Variants in SLC25A21 observed in about 807,000 individuals in gnomAD.
SLC25A21 encodes mitochondrial 2-oxodicarboxylate carrier.
A neutral mutation model predicts 43.8 loss-of-function variants in SLC25A21; 47 were observed. The ratio of observed to expected loss-of-function variants is 1.07; its 90% CI spans 0.85 to 1.37. SLC25A21 has a LOEUF of 1.37. Ranked by LOEUF, SLC25A21 falls within the 40% of genes most tolerant of loss-of-function variation. The probability of loss-of-function intolerance (pLI) is 0.00; values close to 1 mark genes in which losing one functional copy is unlikely to be tolerated. For synonymous variants in SLC25A21, 131 were observed against 121.3 expected (o/e 1.08, Z -0.52); for missense variants, 352 against 350.2 (o/e 1.00, Z -0.04).
chr14:36,898,206 T>G (rs1594677787), intron 1 of SLC25A21, among the ~76,000 whole-genome samples: 2 of 152,182 alleles, frequency 1.3e-5, no homozygotes, highest in South Asian at 4.1e-4. Context: ...CCGGCCTCTT[T>G]GTTTACCCAC....
intron 3 of SLC25A21, among the ~76,000 whole-genome samples, chr14:36,804,297 T>C (rs930855929): frequency 1.3e-5 from 2 of 152,134 alleles, no homozygotes; most frequent in African/African-American, 4.8e-5. Context: ...GAGGGAATGG[T>C]GTAAATGTGA....
At chr14:36,741,140 C>T (rs1390976827) in intron 3 of SLC25A21, among the ~76,000 whole-genome samples, 1 of 152,100 alleles carries the variant, frequency 6.6e-6, no homozygotes, top group Non-Finnish European at 1.5e-5. Context: ...GTTGGTTTTG[C>T]TGGTATTTTT....
intron 2 of SLC25A21, among the ~76,000 whole-genome samples, chr14:36,839,463 T>C (rs1232964220): frequency 6.6e-6 from 1 of 152,256 alleles, no homozygotes; most frequent in African/African-American, 2.4e-5. Flanking sequence ...AAATTAACTT[T>C]CCTATAGTTC....
chr14:36,803,248 G>T (rs1181919334), intron 3 of SLC25A21, among the ~76,000 whole-genome samples: 1 of 152,110 alleles, frequency 6.6e-6, no homozygotes, highest in African/African-American at 2.4e-5. Flanking sequence ...GGGGTAAACA[G>T]GTAGTTAAGA....
intron 3 of SLC25A21, among the ~76,000 whole-genome samples, chr14:36,761,087 C>T (rs1399201931): frequency 1.3e-5 from 2 of 152,200 alleles, no homozygotes. Context: ...TATTCCTCTT[C>T]CCTTTCATCT....
intron 2 of SLC25A21, among the ~76,000 whole-genome samples, chr14:36,852,402 C>T (rs777194456): frequency 6.6e-6 from 1 of 152,164 alleles, no homozygotes; most frequent in Non-Finnish European, 1.5e-5. Context: ...TTAAAGTGTC[C>T]TGTGCCCTGT....
At chr14:36,810,527 A>G (rs1445318457) in intron 3 of SLC25A21, among the ~76,000 whole-genome samples, 1 of 152,212 alleles carries the variant, frequency 6.6e-6, no homozygotes, top group African/African-American at 2.4e-5. Flanking sequence ...TAGGTACCAC[A>G]TCACCAGAGT....
chr14:37,152,116 C>CA (rs1368547976), intron 1 of SLC25A21, among the ~76,000 whole-genome samples: 3 of 152,084 alleles, frequency 2.0e-5, no homozygotes, highest in Non-Finnish European at 4.4e-5. Context: ...TGTTAGCACT[C>CA]AAAAGATAAG....
chr14:36,979,944 A>C (rs1031361288), intron 1 of SLC25A21, among the ~76,000 whole-genome samples: 9 of 152,278 alleles, frequency 5.9e-5, no homozygotes, highest in Non-Finnish European at 8.8e-5. Context: ...CCCATATAAA[A>C]TCCTGAAGGG....
intron 1 of SLC25A21, among the ~76,000 whole-genome samples, chr14:37,044,113 G>C (rs1961538383): frequency 6.6e-6 from 1 of 151,762 alleles, no homozygotes; most frequent in Admixed American, 6.6e-5. Context: ...AAGGAAGTGT[G>C]TCTTGCTTTC....
In SLC25A21 at chr14:36,679,047, T is replaced by TTCTA. The variant is rs1219559130; in HGVS notation, c.*1607_*1610dup. On this transcript the variant is annotated 3_prime_UTR_variant, in exon 10 of 10. Coordinates refer to ENST00000331299, the MANE Select transcript of SLC25A21 (RefSeq NM_030631.4). ...GCAAATGCACTCTTCAGAAATCCTT[T>TTCTA]TCTATCTGATCCACATGGAGAGGTT... The TTCTA allele has an allele frequency of 3.0e-6, 3 of 985,408 alleles. No individual in the cohort carries two copies. Among genetic ancestry groups the TTCTA allele is most frequent in the Non-Finnish European group, 2.4e-6 (2 of 829,992 alleles). The allele number at this position is 985,408 out of a possible 1,614,324, so 61.0% of individuals were successfully genotyped here. A position where few individuals can be genotyped will look rare whatever the true frequency, so the allele number is the denominator to read the frequency against.
intron 1 of SLC25A21, among the ~76,000 whole-genome samples, chr14:37,008,917 A>G (rs1960668479): frequency 1.3e-5 from 2 of 152,214 alleles, no homozygotes; most frequent in South Asian, 4.1e-4. Context: ...ATCCCAGCAA[A>G]CAATAATTTG....
At chr14:36,718,723 A>T (rs1884252310) in intron 6 of SLC25A21, among the ~76,000 whole-genome samples, 1 of 151,984 alleles carries the variant, frequency 6.6e-6, no homozygotes. Flanking sequence ...TATTGGTGTT[A>T]TCCCAAACTA....
intron 3 of SLC25A21, among the ~76,000 whole-genome samples, chr14:36,748,713 A>C (rs193216614): frequency 1.4e-4 from 21 of 152,304 alleles, no homozygotes; most frequent in Non-Finnish European, 2.5e-4. Context: ...TGGTGATTTC[A>C]TCGGGTCCTA....
chr14:36,678,781 T>TTAA lies in SLC25A21; in HGVS notation c.*1874_*1876dup. On this transcript the variant is annotated 3_prime_UTR_variant, in exon 10 of 10. Transcript: ENST00000331299. ...TTCTTGTATTTTAAAAAATCTAATA[T>TTAA]TAATGGTATTGAAGTTTCCTTTTCT... The TTAA allele has an allele frequency of 9.5e-7, 1 of 1,053,652 alleles. No individual in the cohort carries two copies. Among genetic ancestry groups the TTAA allele is most frequent in the Non-Finnish European group, 1.2e-6 (1 of 863,802 alleles). The allele number at this position is 1,053,652 out of a possible 1,614,324, so 65.3% of individuals were successfully genotyped here. A position where few individuals can be genotyped will look rare whatever the true frequency, so the allele number is the denominator to read the frequency against.
chr14:36,874,891 G>T lies in SLC25A21; in HGVS notation c.119+65C>A, dbSNP rs368687024. 20 of 1,382,356 alleles carry T rather than the reference G, an allele frequency of 1.4e-5. No homozygotes were observed. The African/African-American group carries it at 2.6e-4, about 18-fold the overall frequency. 85.6% of individuals were successfully genotyped at this position (1,382,356 alleles called of 1,614,324 possible). A position where few individuals can be genotyped will look rare whatever the true frequency, so the allele number is the denominator to read the frequency against. On this transcript the variant is annotated intron_variant, in intron 2 of 9. Transcript: ENST00000331299. ...CCTGGGACAAGTCCTAGCATTTAGT[G>T]CTCTGACAGATCTTAATTTGGATAT...
chr14:37,110,256 A>C (rs1271882865), intron 1 of SLC25A21, among the ~76,000 whole-genome samples: 2 of 152,302 alleles, frequency 1.3e-5, no homozygotes, highest in East Asian at 1.9e-4. Context: ...CAGAGGCATT[A>C]GTTAGCCAGA....
intron 1 of SLC25A21, among the ~76,000 whole-genome samples, chr14:37,164,685 G>A (rs903807764): frequency 6.6e-6 from 1 of 152,040 alleles, no homozygotes; most frequent in African/African-American, 2.4e-5. Flanking sequence ...ATTAGAGTAA[G>A]AAAAAGGAGT....
chr14:37,043,591 T>C (rs904473008), intron 1 of SLC25A21, among the ~76,000 whole-genome samples: 1 of 152,204 alleles, frequency 6.6e-6, no homozygotes, highest in African/African-American at 2.4e-5. Flanking sequence ...GCTACCATCT[T>C]GCAGGAAGCT....
Sources: allele counts gnomAD v4.1 joint callset (sites outside exome capture counted in the v4.1 genomes callset), GRCh38; gene constraint gnomAD v4.1.1; transcripts MANE v1.5; gene names NCBI Gene and HGNC (gene_info 2026-07-23, HGNC 2026-07-21).